DNM2: variants seen among roughly 807,000 people sequenced by gnomAD.
DNM2 encodes dynamin-2.
Under a neutral mutation model 99.0 loss-of-function variants are expected in DNM2, and 15 were observed. The observed-to-expected ratio is 0.15, with a 90% CI of 0.10 to 0.23. The LOEUF is 0.23. Ranked by LOEUF, DNM2 falls within the 10% of genes least tolerant of loss-of-function variation. DNM2 has a pLI of 1.00. For missense variants in DNM2, 742 were observed against 1,189.4 expected (o/e 0.62, Z 5.53); for synonymous variants, 525 against 481.2 (o/e 1.09, Z -1.19).
intron 18 of DNM2, 96 bp downstream of exon 18, chr19:10,825,317 T>C (rs201284685): frequency 6.5e-7 from 1 of 1,537,130 alleles, no homozygotes; most frequent in Non-Finnish European, 8.9e-7. Flanking sequence ...GGCGGATCAC[T>C]TGAGGTCAGG....
In DNM2 at chr19:10,830,986, C is replaced by T; in HGVS notation, c.2552C>T (p.Pro851Leu). The T allele has an allele frequency of 6.2e-7, 1 of 1,611,758 alleles. No homozygotes were observed. Among genetic ancestry groups the T allele is most frequent in the Non-Finnish European group, 8.5e-7 (1 of 1,179,074 alleles). The change falls in exon 21 of 21, where the codon CCC becomes CTC. Residue 851 changes from proline to leucine, a missense_variant. This residue lies in a region of DNM2 where 187 missense variants were observed against 218.8 expected (regional missense o/e 0.85). Coordinates refer to ENST00000389253, the MANE Select transcript of DNM2 (RefSeq NM_001005361.3). This position sits in a 1 kb window ranked among gnomAD's most constrained non-coding sequence, Gnocchi z 4.8. ...CTTTATTCTCTTTGCAGCAGAAGAC[C>T]CCCTGCTGCGCCCAGCCGGCCCACC... ...GIPPGVPSRR[P>L]PAAPSRPTII...
rs141943130 is a variant in DNM2 at position 10,776,344 on chromosome 19, G to A, written c.589+438G>A. 3.2e-3 allele frequency among the ~76,000 whole-genome samples: 494 copies of A among 152,292 alleles called. 1 individual carries two copies. Among genetic ancestry groups the A allele is most frequent in the African/African-American group, 0.011 (472 of 41,558 alleles). On this transcript the variant is annotated intron_variant, in intron 4 of 20. Transcript: ENST00000389253. Reference sequence around the variant, plus strand: ...TTTCTGATCTTTGCATGGTGAGATCGTCTATTTCCCTTCGAGTTGACACCC... The same window carrying A: ...TTTCTGATCTTTGCATGGTGAGATCATCTATTTCCCTTCGAGTTGACACCC...
rs147721813 is a variant in DNM2 at position 10,816,353 on chromosome 19, C to T, written c.1672-3627C>T. Among the ~76,000 whole-genome samples the T allele has an allele frequency of 0.016, 2,409 of 152,166 alleles. 33 individuals are homozygous for T. Among genetic ancestry groups the T allele is most frequent in the South Asian group, 0.02 (95 of 4,814 alleles). Reference sequence around the variant, plus strand: ...CTGAGGCTTCTGCGGGACTCTGGGGCGCTGTTTCTAAACCCAGGGTGGTGG... The same window carrying T: ...CTGAGGCTTCTGCGGGACTCTGGGGTGCTGTTTCTAAACCCAGGGTGGTGG... On this transcript the variant is annotated intron_variant, in intron 15 of 20. Transcript: ENST00000389253. The surrounding 1 kb of genome is among the most constrained non-coding windows in gnomAD (Gnocchi z 4.6).
rs1230624545 is a variant in DNM2 at position 10,816,152 on chromosome 19, C to T, written c.1671+3775C>T. ...CTGGGGTGGAGGCTTCCCCAGTGCA[C>T]GTCTGCGGGCCCATGCTCCCTGACC... On this transcript the variant is annotated intron_variant, in intron 15 of 20. Coordinates refer to ENST00000389253, the MANE Select transcript of DNM2 (RefSeq NM_001005361.3). The surrounding 1 kb of genome is among the most constrained non-coding windows in gnomAD (Gnocchi z 4.6). Among the ~76,000 whole-genome samples, 2 of 152,054 alleles carry T rather than the reference C, an allele frequency of 1.3e-5. No individual in the cohort carries two copies. Among genetic ancestry groups the T allele is most frequent in the Non-Finnish European group, 1.5e-5 (1 of 67,996 alleles).
chr19:10,730,716 A>G (rs146433101), intron 1 of DNM2, among the ~76,000 whole-genome samples: 6 of 152,292 alleles, frequency 3.9e-5, no homozygotes, highest in East Asian at 1.9e-4. Context: ...GTGGGTGTCT[A>G]TCTGCGTTGG....
At chr19:10,801,994 G>A (rs1022331591) in intron 11 of DNM2, among the ~76,000 whole-genome samples, 6 of 151,920 alleles carry the variant, frequency 3.9e-5, no homozygotes, top group Admixed American at 6.6e-5. Flanking sequence ...CCACAGCTCA[G>A]TAACGTGAGG....
At chr19:10,726,299 G>A (rs1326599185) in intron 1 of DNM2, among the ~76,000 whole-genome samples, 4 of 151,840 alleles carry the variant, frequency 2.6e-5, no homozygotes, top group African/African-American at 9.7e-5. Flanking sequence ...GGGCCCAAGC[G>A]ATCCTCCTGC....
chr19:10,785,093 C>T (rs1282534732), intron 6 of DNM2, among the ~76,000 whole-genome samples: 1 of 152,052 alleles, frequency 6.6e-6, no homozygotes, highest in African/African-American at 2.4e-5. Flanking sequence ...GCTGGGATTA[C>T]AGGCGTGAGC....
intron 1 of DNM2, among the ~76,000 whole-genome samples, chr19:10,747,263 A>G (rs1201820985): frequency 6.6e-6 from 1 of 152,136 alleles, no homozygotes; most frequent in Admixed American, 6.6e-5. Context: ...GGCAGGTGGC[A>G]TCATTCCCAC....
At chr19:10,724,596 A>T (rs2069051739) in intron 1 of DNM2, among the ~76,000 whole-genome samples, 2 of 152,174 alleles carry the variant, frequency 1.3e-5, no homozygotes, top group African/African-American at 4.8e-5. Context: ...ATGTGGGAGG[A>T]TGCCCGGAGG....
intron 6 of DNM2, among the ~76,000 whole-genome samples, chr19:10,784,994 T>C (rs10412695): frequency 0.94 from 142,060 of 151,740 alleles, 66,759 homozygotes; most frequent in East Asian, 1. Context: ...CAACTAACTT[T>C]TGTATTTTTA....
rs77938983 is a variant in DNM2, at chr19:10,819,821, G to T, written c.1672-159G>T. ...GAGGGCAGCGTGGCTGGGACAGAGT[G>T]ACGGACGGGGAAGGGCCGGCAGATG... On this transcript the variant is annotated intron_variant, in intron 15 of 20. Coordinates refer to ENST00000389253, the MANE Select transcript of DNM2 (RefSeq NM_001005361.3). 5.4e-4 allele frequency among the ~76,000 whole-genome samples: 82 copies of T among 152,266 alleles called. 2 individuals are homozygous for T. In the East Asian group the frequency reaches 0.015, roughly 29 times the overall value.
Position 10,718,326 on chromosome 19 carries a change from C to A in DNM2, c.84C>A (p.His28Gln). 6.6e-7 allele frequency: 1 copy of A among 1,515,570 alleles called. No homozygotes were observed. Among genetic ancestry groups the A allele is most frequent in the Non-Finnish European group, 8.8e-7 (1 of 1,133,772 alleles). 93.9% of individuals were successfully genotyped at this position (1,515,570 alleles called of 1,614,324 possible). A position where few individuals can be genotyped will look rare whatever the true frequency, so the allele number is the denominator to read the frequency against. The part of the protein sequence containing the change: ...DAFSSIGQSC[H>Q]LDLPQIAVVG... ...TCAGCTCCATCGGCCAGAGCTGCCACCTGGACCTGCCGCAGATCGCTGTAG... is the reference window on the plus strand; with the variant it reads ...TCAGCTCCATCGGCCAGAGCTGCCAACTGGACCTGCCGCAGATCGCTGTAG... The change falls in exon 1 of 21, where the codon CAC becomes CAA. Residue 28 changes from histidine to glutamine, a missense_variant. Physicochemically the swap from His to Gln is conservative, Grantham distance 24. Around this residue, in one of 7 missense-constraint regions of DNM2, gnomAD observed 52 missense variants for 46.1 expected, o/e 1.13. Coordinates refer to ENST00000389253, the MANE Select transcript of DNM2 (RefSeq NM_001005361.3).
At chr19:10,743,869 C>G (rs2069858570) in intron 1 of DNM2, among the ~76,000 whole-genome samples, 1 of 150,730 alleles carries the variant, frequency 6.6e-6, no homozygotes, top group South Asian at 2.1e-4. Context: ...CGCCTGTAGT[C>G]CCAGCTACTT....
intron 12 of DNM2, among the ~76,000 whole-genome samples, chr19:10,805,224 C>T (rs1364826617): frequency 1.3e-5 from 2 of 152,202 alleles, no homozygotes; most frequent in Admixed American, 6.5e-5. Context: ...GGTCAGGAGT[C>T]ATGCAAGATA....
Position 10,812,149 on chromosome 19 carries a change from A to T in DNM2, c.1558-115A>T. ...TGGGTTTCCTGGGCTTTGGGGCTGG[A>T]GGTGTCTCTATTGCGGTCCCTGGCT... On this transcript the variant is annotated intron_variant, in intron 14 of 20. Transcript: ENST00000389253. This position sits in a 1 kb window ranked among gnomAD's most constrained non-coding sequence, Gnocchi z 4.0. The T allele has an allele frequency of 1.2e-6, 1 of 819,736 alleles. No homozygotes were observed. The highest frequency in any genetic ancestry group is 2.0e-6 in the Non-Finnish European group (1 of 509,086). 50.8% of individuals were successfully genotyped at this position (819,736 alleles called of 1,614,324 possible).
intron 1 of DNM2, among the ~76,000 whole-genome samples, chr19:10,731,857 G>A (rs2145714591): frequency 6.6e-6 from 1 of 152,382 alleles, no homozygotes. Flanking sequence ...GCCTGGACAG[G>A]TTGCTGGGAA....
At chr19:10,776,617 T>G (rs2071164663) in intron 4 of DNM2, among the ~76,000 whole-genome samples, 1 of 152,200 alleles carries the variant, frequency 6.6e-6, no homozygotes, top group South Asian at 2.1e-4. Flanking sequence ...GAGACTTTGC[T>G]AGAAAGACAT....
chr19:10,821,332 A>C (rs2072961912), intron 16 of DNM2, among the ~76,000 whole-genome samples: 1 of 152,206 alleles, frequency 6.6e-6, no homozygotes, highest in South Asian at 2.1e-4. Flanking sequence ...TTTTAAGAGC[A>C]GGTTCAGGAA....
Sources: gnomAD v4.1 joint callset for allele counts (sites outside exome capture counted in the v4.1 genomes callset) on GRCh38, gnomAD v4.1.1 for gene constraint, gnomAD v4.1.1 regional missense constraint, Gnocchi (gnomAD v3.1) non-coding constraint, MANE v1.5 for transcripts, NCBI Gene and HGNC (gene_info 2026-07-23, HGNC 2026-07-21) for gene names.